The following ARID4B variants were observed in gnomAD, a reference collection of about 807,000 sequenced individuals.
ARID4B encodes AT-rich interaction domain 4B.
In ARID4B, 26 loss-of-function variants were observed where a neutral mutation model predicts 147.5. The ratio of observed to expected loss-of-function variants is 0.18; its 90% CI spans 0.13 to 0.24. ARID4B has a LOEUF of 0.24. ARID4B is among the 10% of genes least tolerant of loss of function. The pLI is 1.00. For missense variants in ARID4B, 1,179 were observed against 1,511.5 expected (o/e 0.78, Z 3.65); for synonymous variants, 512 against 507.9 (o/e 1.01, Z -0.11).
At chr1:235,192,949 C>A (rs1185073099) in intron 19 of ARID4B, among the ~76,000 whole-genome samples, 1 of 152,164 alleles carries the variant, frequency 6.6e-6, no homozygotes, top group Non-Finnish European at 1.5e-5. Flanking sequence ...GAAAATTAGC[C>A]AGGCGCAGTG....
intron 12 of ARID4B, 74 bp downstream of exon 12, chr1:235,224,629 T>C (rs1572020279): frequency 3.7e-6 from 4 of 1,075,932 alleles, no homozygotes; most frequent in Middle Eastern, 4.7e-4. Flanking sequence ...GTAAACAAAA[T>C]TCTATTCTTA....
At chr1:235,219,738 AATG>A (rs1667317960) in intron 16 of ARID4B, 52 bp downstream of exon 16, 4 of 1,382,910 alleles carry the variant, frequency 2.9e-6, no homozygotes, top group Non-Finnish European at 4.0e-6. Context: ...ACAAAGAGCA[AATG>A]ATAAGAATCC....
chr1:235,298,682 G>A (rs1404618861), intron 2 of ARID4B, among the ~76,000 whole-genome samples: 1 of 151,756 alleles, frequency 6.6e-6, no homozygotes, highest in African/African-American at 2.4e-5. Flanking sequence ...TAGCAGAATT[G>A]TATTTACATA....
At chr1:235,279,137 TAGAA>T (rs971803368) in intron 2 of ARID4B, among the ~76,000 whole-genome samples, 2 of 151,992 alleles carry the variant, frequency 1.3e-5, no homozygotes, top group African/African-American at 4.8e-5. Context: ...CATTCCGAAT[TAGAA>T]ACTCTCCGGG....
chr1:235,318,645 C>A (rs1401094267), intron 2 of ARID4B, among the ~76,000 whole-genome samples: 1 of 152,002 alleles, frequency 6.6e-6, no homozygotes, highest in African/African-American at 2.4e-5. Context: ...ACTTTGGGGG[C>A]CAATGCAAGA....
chr1:235,273,484 C>G (rs906414186), intron 2 of ARID4B, among the ~76,000 whole-genome samples: 1 of 152,176 alleles, frequency 6.6e-6, no homozygotes, highest in African/African-American at 2.4e-5. Context: ...GTAAACCACA[C>G]CTACCACTAA....
At chr1:235,281,127 A>T (rs972929083) in intron 2 of ARID4B, among the ~76,000 whole-genome samples, 3 of 152,184 alleles carry the variant, frequency 2.0e-5, no homozygotes, top group Non-Finnish European at 4.4e-5. Context: ...GCATGCTTTA[A>T]AGTGAGCAGG....
At chr1:235,178,169 A>G (rs891526088) in intron 20 of ARID4B, among the ~76,000 whole-genome samples, 3 of 152,158 alleles carry the variant, frequency 2.0e-5, no homozygotes, top group Non-Finnish European at 2.9e-5. Context: ...AATCAGATAT[A>G]AACTGAAAAT....
intron 2 of ARID4B, among the ~76,000 whole-genome samples, chr1:235,288,855 T>G (rs561554059): frequency 1.3e-5 from 2 of 152,326 alleles, no homozygotes; most frequent in South Asian, 4.1e-4. Context: ...AAAAGAAGAC[T>G]CTTAGTTACA....
At chr1:235,176,733 G>A in intron 21 of ARID4B, 1 of 410,920 alleles carries the variant, frequency 2.4e-6, no homozygotes, top group Non-Finnish European at 4.9e-6. Context: ...GGGGCCCCAG[G>A]GACGCCATAT....
At chr1:235,230,969 T>C in intron 10 of ARID4B, 144 bp downstream of exon 10, 1 of 584,242 alleles carries the variant, frequency 1.7e-6, no homozygotes, top group Non-Finnish European at 3.0e-6. Context: ...CATGGGTTTA[T>C]AAAAATAAAG....
At chr1:235,273,491 C>T (rs1001974736) in intron 2 of ARID4B, among the ~76,000 whole-genome samples, 3 of 152,132 alleles carry the variant, frequency 2.0e-5, no homozygotes, top group East Asian at 1.9e-4. Context: ...ACACCTACCA[C>T]TAAAAAAGAA....
intron 2 of ARID4B, among the ~76,000 whole-genome samples, chr1:235,303,073 G>A (rs1426310638): frequency 6.6e-6 from 1 of 151,998 alleles, no homozygotes; most frequent in Non-Finnish European, 1.5e-5. Flanking sequence ...ACAGGCGCCC[G>A]CCACCACACC....
chr1:235,281,594 T>C (rs948332534), intron 2 of ARID4B, among the ~76,000 whole-genome samples: 3 of 151,976 alleles, frequency 2.0e-5, no homozygotes, highest in Admixed American at 6.6e-5. Flanking sequence ...TGGCCCCAGC[T>C]ACTCGTGGTG....
At chr1:235,213,478 C>T (rs539355387) in intron 17 of ARID4B, among the ~76,000 whole-genome samples, 8 of 152,142 alleles carry the variant, frequency 5.3e-5, no homozygotes, top group Admixed American at 5.2e-4. Flanking sequence ...TGTAGATGTC[C>T]AGAAGTTCTG....
intron 8 of ARID4B, among the ~76,000 whole-genome samples, chr1:235,235,613 AGGT>A (rs1444762708): frequency 3.3e-5 from 5 of 152,194 alleles, no homozygotes; most frequent in African/African-American, 1.2e-4. Flanking sequence ...TATCTCTGCA[AGGT>A]GAAGCTTTAA....
chr1:235,209,549 TTTTTTTG>T (rs1385991953), intron 17 of ARID4B, among the ~76,000 whole-genome samples: 2 of 113,716 alleles, frequency 1.8e-5, no homozygotes, highest in East Asian at 2.0e-4. Flanking sequence ...AGAAAATTGA[TTTTTTTG>T]TTTTTTGTTT....
chr1:235,196,382 C>T (rs965790969), intron 17 of ARID4B, among the ~76,000 whole-genome samples: 6 of 152,116 alleles, frequency 3.9e-5, no homozygotes, highest in African/African-American at 7.2e-5. Flanking sequence ...ACTGCTTACT[C>T]GGCTACAACA....
intron 20 of ARID4B, among the ~76,000 whole-genome samples, chr1:235,178,667 A>G (rs932540535): frequency 5.3e-5 from 8 of 152,192 alleles, no homozygotes; most frequent in Non-Finnish European, 8.8e-5. Flanking sequence ...AACATCTGCT[A>G]TATTTCTGTC....
Sources: allele counts gnomAD v4.1 joint callset (sites outside exome capture counted in the v4.1 genomes callset), GRCh38; gene constraint gnomAD v4.1.1; transcripts MANE v1.5; gene names NCBI Gene and HGNC (gene_info 2026-07-23, HGNC 2026-07-21).